Variants in ZNF287 observed in about 807,000 individuals in gnomAD.
ZNF287 encodes zinc finger protein with KRAB and SCAN domains 13.
In ZNF287, 31 loss-of-function variants were observed where a neutral mutation model predicts 73.7. The ratio of observed to expected loss-of-function variants is 0.42; its 90% CI spans 0.32 to 0.57. ZNF287 has a LOEUF of 0.57. ZNF287 is among the 20% of genes least tolerant of loss of function. The pLI is 0.13. For synonymous variants in ZNF287, 301 were observed against 307.2 expected, an observed-to-expected ratio of 0.98 and a Z score of 0.21; for missense variants, 641 against 909.3, an observed-to-expected ratio of 0.70 and a Z score of 3.79.
At chr17:16,568,525 C>A (rs950661579) in intron 1 of ZNF287, among the ~76,000 whole-genome samples, 3 of 152,152 alleles carry the variant, frequency 2.0e-5, no homozygotes, top group African/African-American at 7.2e-5. Context: ...GGAGACAGTT[C>A]TTTAGGGATA....
At chr17:16,559,849 G>C (rs1447728475) in intron 5 of ZNF287, among the ~76,000 whole-genome samples, 1 of 152,180 alleles carries the variant, frequency 6.6e-6, no homozygotes, top group Non-Finnish European at 1.5e-5. Flanking sequence ...TTTGATGCTA[G>C]AGTGCCCAAA....
intron 5 of ZNF287, among the ~76,000 whole-genome samples, chr17:16,555,631 CACACACACA>C (rs1569016150): frequency 2.5e-4 from 38 of 151,696 alleles, no homozygotes; most frequent in African/African-American, 8.2e-4. Context: ...CACACACACA[CACACACACA>C]CCCCAAACCA....
At chr17:16,557,728 G>A (rs1011235732) in intron 5 of ZNF287, among the ~76,000 whole-genome samples, 1 of 152,132 alleles carries the variant, frequency 6.6e-6, no homozygotes, top group African/African-American at 2.4e-5. Flanking sequence ...AAGGGACTCT[G>A]GGGCTAGAAG....
At chr17:16,556,217 T>G (rs1907059208) in intron 5 of ZNF287, among the ~76,000 whole-genome samples, 1 of 149,084 alleles carries the variant, frequency 6.7e-6, no homozygotes, top group Non-Finnish European at 1.5e-5. Context: ...AAGGTCCTGG[T>G]CATGACTGAG....
intron 5 of ZNF287, among the ~76,000 whole-genome samples, chr17:16,554,828 G>A (rs1456741462): frequency 6.6e-6 from 1 of 152,182 alleles, no homozygotes; most frequent in Non-Finnish European, 1.5e-5. Context: ...GCTGAGGCAT[G>A]AGAATTGCTT....
rs767792852 is a variant in ZNF287, at chr17:16,552,495, A to C, written c.1647T>G (p.Thr549=). 3 of 1,614,132 alleles carry C rather than the reference A, an allele frequency of 1.9e-6. No individual in the cohort carries two copies. In the Admixed American group the frequency reaches 5.0e-5, roughly 27 times the overall value. Residue 549 remains threonine, a synonymous_variant, in exon 6 of 6, where the codon ACT becomes ACG. Coordinates refer to ENST00000395825, the MANE Select transcript of ZNF287 (RefSeq NM_020653.4). This position sits in a 1 kb window ranked among gnomAD's most constrained non-coding sequence, Gnocchi z 6.5. ...GAATTCTCTGATGTCGAATAAGGTAAGTACTCTGACTAAACACTTTCCAAC... is the reference window on the plus strand; with the variant it reads ...GAATTCTCTGATGTCGAATAAGGTACGTACTCTGACTAAACACTTTCCAAC... ...NECWKVFSQS[T]YLIRHQRIHS...
rs1282252788 is a variant in ZNF287 at position 16,567,580 on chromosome 17, T to G, written c.152A>C (p.Asn51Thr). 1.2e-6 allele frequency: 2 copies of G among 1,614,198 alleles called. No individual in the cohort carries two copies. Among genetic ancestry groups the G allele is most frequent in the East Asian group, 4.5e-5 (2 of 44,880 alleles). The change falls in exon 2 of 6, where the codon AAT becomes ACT. Residue 51 changes from asparagine (N) to threonine (T), a missense_variant. Around this residue, in one of 2 missense-constraint regions of ZNF287, gnomAD observed 357 missense variants for 442.4 expected, o/e 0.81. Transcript: ENST00000395825. Reference protein sequence around the residue: ...FLRDTETCRQNFRNFPYPDLA... With the variant: ...FLRDTETCRQTFRNFPYPDLA... ...GTCTGGGTATGGAAAATTCCTAAAA[T>G]TCTGTCGACAGGTCTCAGTGTCACG...
rs1214053590 is a variant in ZNF287 at position 16,551,772 on chromosome 17, T to G, written c.*84A>C. ...TCTAACATATTGCACTTCTTCAGAC[T>G]TCTTCTGAATGTTCTGACACATAGA... On this transcript the variant is annotated 3_prime_UTR_variant, in exon 6 of 6. Coordinates refer to ENST00000395825, the MANE Select transcript of ZNF287 (RefSeq NM_020653.4). 2 of 1,434,422 alleles carry G rather than the reference T, an allele frequency of 1.4e-6. No individual in the cohort carries two copies. Among genetic ancestry groups the G allele is most frequent in the South Asian group, 2.8e-5 (2 of 71,868 alleles). 88.9% of individuals were successfully genotyped at this position (1,434,422 alleles called of 1,614,324 possible). A position where few individuals can be genotyped will look rare whatever the true frequency, so the allele number is the denominator to read the frequency against.
intron 5 of ZNF287, among the ~76,000 whole-genome samples, chr17:16,556,968 C>T (rs1348054200): frequency 6.6e-6 from 1 of 152,088 alleles, no homozygotes; most frequent in Non-Finnish European, 1.5e-5. Flanking sequence ...TTGCCTCAGC[C>T]TCCCGAGTAG....
At position 16,549,347 on chromosome 17, in the gene ZNF287, A is replaced by G. The variant is rs1906490744; in HGVS notation, c.*2509T>C. ...AAGACTTTATAAATGCATTATTTAC[A>G]TAAAACATACAAAGGCAGGAAATAA... On this transcript the variant is annotated 3_prime_UTR_variant, in exon 6 of 6. Transcript: ENST00000395825. 6.7e-6 allele frequency among the ~76,000 whole-genome samples: 1 copy of G among 150,222 alleles called. No homozygotes were observed. The highest frequency in any genetic ancestry group is 2.5e-5 in the African/African-American group (1 of 39,600).
At position 16,552,573 on chromosome 17, in the gene ZNF287, A is replaced by C; in HGVS notation, c.1569T>G (p.Leu523=). The change falls in exon 6 of 6, where the codon CTT becomes CTG. Residue 523 remains leucine (L), a synonymous_variant. Transcript: ENST00000395825. The surrounding 1 kb of genome is among the most constrained non-coding windows in gnomAD (Gnocchi z 6.5). ...CAGTATGTATTTTTTGATGCTGAAG[A>C]AGGTGTGTACTCTGACTGAAAGTCT... ...CGKTFSQSTH[L]LQHQKIHTGK... The C allele has an allele frequency of 6.2e-7, 1 of 1,614,130 alleles. No homozygotes were observed. The highest frequency in any genetic ancestry group is 8.5e-7 in the Non-Finnish European group (1 of 1,180,000).
intron 5 of ZNF287, among the ~76,000 whole-genome samples, chr17:16,556,449 TC>T: frequency 6.6e-6 from 1 of 152,292 alleles, no homozygotes; most frequent in African/African-American, 2.4e-5. Context: ...TTTCTAATTT[TC>T]AGTAAATTTG....
rs1389274839 is a variant in ZNF287 at position 16,549,721 on chromosome 17, G to A, written c.*2135C>T. On this transcript the variant is annotated 3_prime_UTR_variant, in exon 6 of 6. Coordinates refer to ENST00000395825, the MANE Select transcript of ZNF287 (RefSeq NM_020653.4). ...AGTAATGTCCAAAGGAAGTTGCATG[G>A]TTAATACATGCTTAAATTGATATTT... Among the ~76,000 whole-genome samples, 1 of 152,190 alleles carries A rather than the reference G, an allele frequency of 6.6e-6. No homozygotes were observed. Among genetic ancestry groups the A allele is most frequent in the Non-Finnish European group, 1.5e-5 (1 of 68,042 alleles).
At chr17:16,560,308 G>GTATATATATATATATATATATATATA (rs1491315982) in intron 5 of ZNF287, among the ~76,000 whole-genome samples, 1 of 137,314 alleles carries the variant, frequency 7.3e-6, no homozygotes, top group African/African-American at 2.7e-5. Flanking sequence ...GTCAACAGTG[G>GTATATATATATATATATATATATATA]TGTATATATA....
At chr17:16,562,719 A>T (rs1218399971) in intron 5 of ZNF287, among the ~76,000 whole-genome samples, 1 of 152,158 alleles carries the variant, frequency 6.6e-6, no homozygotes, top group Non-Finnish European at 1.5e-5. Flanking sequence ...ATAAAAAAGA[A>T]AGGGATGATT....
intron 5 of ZNF287, among the ~76,000 whole-genome samples, chr17:16,558,739 A>C (rs1430649485): frequency 2.0e-5 from 3 of 152,180 alleles, no homozygotes; most frequent in Non-Finnish European, 2.9e-5. Context: ...TCAGCACTGG[A>C]GGCCAAGGCA....
At position 16,567,916 on chromosome 17, in the gene ZNF287, A is replaced by G. The variant is rs1473712999; in HGVS notation, c.-185T>C. ...AATTCTGAGCCCAGAACTTGCAGGG[A>G]TGGATAAGAGACCCTGAAACACAAG... On this transcript the variant is annotated 5_prime_UTR_variant, in exon 2 of 6. Transcript: ENST00000395825. 7.0e-7 allele frequency: 1 copy of G among 1,424,916 alleles called. No individual in the cohort carries two copies. Among genetic ancestry groups the G allele is most frequent in the Non-Finnish European group, 9.1e-7 (1 of 1,095,218 alleles). 88.3% of individuals were successfully genotyped at this position (1,424,916 alleles called of 1,614,324 possible).
intron 5 of ZNF287, among the ~76,000 whole-genome samples, chr17:16,555,598 CCAAA>C (rs1216719778): frequency 1.5e-5 from 2 of 129,540 alleles, no homozygotes; most frequent in Non-Finnish European, 3.3e-5. Flanking sequence ...ATACACATAA[CCAAA>C]CACACACACA....
rs751257245 is a variant in ZNF287, at chr17:16,552,752, G to A, written c.1390C>T (p.Arg464Cys). 1.3e-5 allele frequency: 21 copies of A among 1,613,730 alleles called. No homozygotes were observed. The highest frequency in any genetic ancestry group is 1.7e-5 in the Non-Finnish European group (20 of 1,179,940). ...CDDCGKDFSQRAHLTIHQRTH... is the reference protein window; with the variant it reads ...CDDCGKDFSQCAHLTIHQRTH... ...CTTTGATGGATGGTAAGGTGTGCAC[G>A]CTGACTGAAGTCTTTCCCACAGTCA... The change falls in exon 6 of 6, where the codon CGT becomes TGT. Residue 464 changes from arginine (R) to cysteine (C), a missense_variant. By Grantham distance (180) the Arg-to-Cys change is radical. This residue lies in a region of ZNF287 where 284 missense variants were observed against 466.8 expected (regional missense o/e 0.61). Coordinates refer to ENST00000395825, the MANE Select transcript of ZNF287 (RefSeq NM_020653.4). The surrounding 1 kb of genome is among the most constrained non-coding windows in gnomAD (Gnocchi z 6.5).
Sources: gnomAD v4.1 joint callset for allele counts (sites outside exome capture counted in the v4.1 genomes callset) on GRCh38, gnomAD v4.1.1 for gene constraint, gnomAD v4.1.1 regional missense constraint, Gnocchi (gnomAD v3.1) non-coding constraint, MANE v1.5 for transcripts, NCBI Gene and HGNC (gene_info 2026-07-23, HGNC 2026-07-21) for gene names.